The following ARHGAP15 variants were observed in gnomAD, a reference collection of about 807,000 sequenced individuals.
ARHGAP15 encodes rho GTPase-activating protein 15.
A neutral mutation model predicts 63.7 loss-of-function variants in ARHGAP15; 51 were observed. That is an observed-to-expected ratio of 0.80 (90% CI 0.64 to 1.01). The LOEUF is 1.01. ARHGAP15 is among the 50% of genes least tolerant of loss of function. The pLI is 0.00. For synonymous variants in ARHGAP15, 191 were observed against 193.8 expected, an observed-to-expected ratio of 0.99 and a Z score of 0.12; for missense variants, 560 against 564.6, an observed-to-expected ratio of 0.99 and a Z score of 0.08.
At chr2:143,130,249 A>C (rs1010730614) in intron 1 of ARHGAP15, among the ~76,000 whole-genome samples, 1 of 152,150 alleles carries the variant, frequency 6.6e-6, no homozygotes, top group African/African-American at 2.4e-5. Flanking sequence ...AGGATTTGTT[A>C]GTCCTAAACT....
At position 143,409,343 on chromosome 2, in the gene ARHGAP15, T is replaced by A. The variant is rs1461927590; in HGVS notation, c.475-26258T>A. ...CACTAATGAGAGAATCTTTTTTTTT[T>A]AACCAAATAGAATCTTATTAATTTA... On this transcript the variant is annotated intron_variant, in intron 6 of 13. Transcript: ENST00000295095. Among the ~76,000 whole-genome samples, 6 of 152,054 alleles carry A rather than the reference T, an allele frequency of 3.9e-5. No homozygotes were observed. In the East Asian group the frequency reaches 1.2e-3, roughly 29 times the overall value.
chr2:143,650,989 G>C (rs1266298079), intron 12 of ARHGAP15, among the ~76,000 whole-genome samples: 1 of 151,854 alleles, frequency 6.6e-6, no homozygotes, highest in Non-Finnish European at 1.5e-5. Flanking sequence ...GGAAACTCCT[G>C]TATCTCTATG....
intron 12 of ARHGAP15, among the ~76,000 whole-genome samples, chr2:143,694,938 G>A (rs573022090): frequency 1.3e-5 from 2 of 152,176 alleles, no homozygotes; most frequent in African/African-American, 4.8e-5. Context: ...GTTTTCAAGT[G>A]AGTTTTCTAA....
At chr2:143,426,381 C>T (rs569282996) in intron 6 of ARHGAP15, among the ~76,000 whole-genome samples, 2 of 152,186 alleles carry the variant, frequency 1.3e-5, no homozygotes, top group East Asian at 3.9e-4. Context: ...AGAGAAGTAG[C>T]AGACAGATGT....
intron 6 of ARHGAP15, among the ~76,000 whole-genome samples, chr2:143,271,304 T>C (rs1239241166): frequency 6.6e-6 from 1 of 152,236 alleles, no homozygotes; most frequent in Non-Finnish European, 1.5e-5. Context: ...TTTCTGTTAC[T>C]GAGAGGTCAA....
chr2:143,722,180 C>T (rs185153161), intron 13 of ARHGAP15, among the ~76,000 whole-genome samples: 67 of 151,330 alleles, frequency 4.4e-4, no homozygotes, highest in Admixed American at 9.2e-4. Flanking sequence ...GAAACACACA[C>T]ACACACACAC....
intron 6 of ARHGAP15, among the ~76,000 whole-genome samples, chr2:143,379,487 A>ATATG (rs1202571594): frequency 1.1e-4 from 14 of 129,840 alleles, no homozygotes; most frequent in South Asian, 5.4e-4. Context: ...AGGCATATAT[A>ATATG]TGTGTGTGTG....
At chr2:143,353,100 A>AT (rs1406615337) in intron 6 of ARHGAP15, among the ~76,000 whole-genome samples, 1 of 152,134 alleles carries the variant, frequency 6.6e-6, no homozygotes, top group African/African-American at 2.4e-5. Context: ...TGTGTAATAC[A>AT]TTTTAAAAAA....
At chr2:143,470,892 TTA>T (rs988865188) in intron 8 of ARHGAP15, among the ~76,000 whole-genome samples, 14 of 149,300 alleles carry the variant, frequency 9.4e-5, no homozygotes, top group African/African-American at 3.2e-4. Flanking sequence ...ACACGTATAT[TTA>T]TGTGTGTATA....
At chr2:143,410,067 C>A (rs967938982) in intron 6 of ARHGAP15, among the ~76,000 whole-genome samples, 1 of 151,606 alleles carries the variant, frequency 6.6e-6, no homozygotes, top group Non-Finnish European at 1.5e-5. Flanking sequence ...TAAATTGAAC[C>A]AAAAATCTTT....
At chr2:143,188,678 T>C (rs1691545984) in intron 2 of ARHGAP15, among the ~76,000 whole-genome samples, 1 of 151,422 alleles carries the variant, frequency 6.6e-6, no homozygotes, top group African/African-American at 2.4e-5. Flanking sequence ...TAGAGTGCAA[T>C]GGTATGATCT....
intron 1 of ARHGAP15, among the ~76,000 whole-genome samples, chr2:143,138,880 G>A (rs975425945): frequency 1.3e-5 from 2 of 152,022 alleles, no homozygotes; most frequent in African/African-American, 2.4e-5. Flanking sequence ...GAAGTATTGG[G>A]TTAAATAAAA....
At chr2:143,193,929 A>T (rs1026381717) in intron 2 of ARHGAP15, among the ~76,000 whole-genome samples, 1 of 152,162 alleles carries the variant, frequency 6.6e-6, no homozygotes, top group East Asian at 1.9e-4. Flanking sequence ...TAAGAAGTAA[A>T]CTTCCTATTT....
intron 13 of ARHGAP15, among the ~76,000 whole-genome samples, chr2:143,730,174 A>C (rs537412758): frequency 3.4e-4 from 52 of 152,348 alleles, no homozygotes; most frequent in African/African-American, 1.2e-3. Flanking sequence ...CATATACTAG[A>C]GTAGAAATTC....
chr2:143,222,822 G>C (rs539949959), intron 4 of ARHGAP15, among the ~76,000 whole-genome samples: 1 of 152,052 alleles, frequency 6.6e-6, no homozygotes, highest in African/African-American at 2.4e-5. Flanking sequence ...TGTTTCACTT[G>C]GATAAAATGT....
intron 6 of ARHGAP15, among the ~76,000 whole-genome samples, chr2:143,349,116 T>C (rs1048576989): frequency 1.3e-5 from 2 of 152,196 alleles, no homozygotes; most frequent in Admixed American, 1.3e-4. Flanking sequence ...GTTTCTTTTA[T>C]TGACATTGTT....
At chr2:143,274,747 C>T (rs554395195) in intron 6 of ARHGAP15, among the ~76,000 whole-genome samples, 9 of 152,234 alleles carry the variant, frequency 5.9e-5, no homozygotes, top group South Asian at 2.1e-4. Context: ...AATTTCATAA[C>T]GACATTAATA....
chr2:143,351,821 G>A (rs568621028), intron 6 of ARHGAP15, among the ~76,000 whole-genome samples: 1 of 152,226 alleles, frequency 6.6e-6, no homozygotes, highest in East Asian at 1.9e-4. Flanking sequence ...ATATGGCATG[G>A]AATTAGGAAT....
At chr2:143,396,160 C>A (rs1287076435) in intron 6 of ARHGAP15, among the ~76,000 whole-genome samples, 1 of 152,086 alleles carries the variant, frequency 6.6e-6, no homozygotes, top group Non-Finnish European at 1.5e-5. Flanking sequence ...ATGTTCTCAT[C>A]AAAAACGAGG....
Sources: allele counts gnomAD v4.1 joint callset (sites outside exome capture counted in the v4.1 genomes callset), GRCh38; gene constraint gnomAD v4.1.1; transcripts MANE v1.5; gene names NCBI Gene and HGNC (gene_info 2026-07-23, HGNC 2026-07-21).